CDH23: variants seen among roughly 807,000 people sequenced by gnomAD.
The protein encoded by CDH23 is cadherin-23.
A neutral mutation model predicts 317.1 loss-of-function variants in CDH23; 189 were observed. That is an observed-to-expected ratio of 0.60 (90% CI 0.53 to 0.67). The LOEUF (loss-of-function observed/expected upper bound fraction) is 0.67. Among genes scored for constraint, CDH23 ranks in the 30% least tolerant of loss-of-function variants. The pLI, the probability that CDH23 is intolerant of heterozygous loss-of-function variation, is 0.00. For synonymous variants in CDH23, 1,839 were observed against 1,876.8 expected (o/e 0.98, Z 0.52); for missense variants, 4,401 against 4,592.4 (o/e 0.96, Z 1.20).
rs753717320 is a variant in CDH23 at position 71,687,711 on chromosome 10, T to C, written c.2051T>C (p.Ile684Thr). Reference protein sequence around the residue: ...PAYFVSVVENIMAGATVLFLN... With the variant: ...PAYFVSVVENTMAGATVLFLN... Reference sequence around the variant, plus strand: ...TACTTCGTCTCCGTGGTGGAGAACATCATGGCAGGTACAGGCTCAGGTCGG... The same window carrying C: ...TACTTCGTCTCCGTGGTGGAGAACACCATGGCAGGTACAGGCTCAGGTCGG... The change falls in exon 19 of 70, where the codon ATC becomes ACC. Residue 684 changes from isoleucine (I) to threonine (T), a missense_variant. Ile to Thr is a moderately conservative substitution (Grantham distance 89, BLOSUM62 -1). Around this residue, in one of 3 missense-constraint regions of CDH23, gnomAD observed 3,068 missense variants for 3,203.3 expected, o/e 0.96. Transcript: ENST00000224721. 2 of 1,613,554 alleles carry C rather than the reference T, an allele frequency of 1.2e-6. No homozygotes were observed. The highest frequency in any genetic ancestry group is 1.7e-6 in the Non-Finnish European group (2 of 1,179,726).
At chr10:71,750,617 A>G (rs1839973685) in intron 38 of CDH23, 2 of 152,416 alleles carry the variant, frequency 1.3e-5, no homozygotes, top group Admixed American at 1.3e-4. Flanking sequence ...CGGGACCACC[A>G]AGCTCTGGGG....
chr10:71,720,685 A>G (rs550970984), intron 28 of CDH23, among the ~76,000 whole-genome samples: 1 of 152,328 alleles, frequency 6.6e-6, no homozygotes, highest in Non-Finnish European at 1.5e-5. Context: ...GCCCATAAAA[A>G]GAGGCACTGT....
chr10:71,812,815 A>T lies in CDH23; in HGVS notation c.9558A>T (p.Arg3186=). Residue 3186 remains arginine (R), a synonymous_variant, in exon 68 of 70, where the codon CGA becomes CGT. Coordinates refer to ENST00000224721, the MANE Select transcript of CDH23 (RefSeq NM_022124.6). ...EPAAVKPDDD[R]YLRAAIQEYD... is the part of the protein sequence containing the mutation. ...CAGCTGTCAAGCCTGATGATGACCG[A>T]TACCTGCGGGCTGCCATCCAGGAGT... 6.2e-7 allele frequency: 1 copy of T among 1,613,544 alleles called. No homozygotes were observed. The highest frequency in any genetic ancestry group is 1.1e-5 in the South Asian group (1 of 90,974).
intron 49 of CDH23, among the ~76,000 whole-genome samples, chr10:71,797,893 G>A (rs972803651): frequency 1.3e-5 from 2 of 152,142 alleles, no homozygotes; most frequent in African/African-American, 4.8e-5. Context: ...AGCTGCTATA[G>A]GGGAAGCCAG....
chr10:71,771,358 G>A (rs1840679590), intron 38 of CDH23, among the ~76,000 whole-genome samples: 1 of 152,222 alleles, frequency 6.6e-6, no homozygotes, highest in Non-Finnish European at 1.5e-5. Context: ...CCCAAGAGCT[G>A]GAGAACAGGC....
Position 71,687,748 on chromosome 10 carries a change from C to T in CDH23, c.2059+29C>T, listed in dbSNP as rs1422960424. 2.5e-6 allele frequency: 4 copies of T among 1,604,924 alleles called. No homozygotes were observed. The South Asian group carries it at 3.3e-5, about 13-fold the overall frequency. On this transcript the variant is annotated intron_variant, in intron 19 of 69. Coordinates refer to ENST00000224721, the MANE Select transcript of CDH23 (RefSeq NM_022124.6). ...CAGGCTCAGGTCGGGGGGTGGGGGG[C>T]ACATGGAGGTAGGCAGCCAGCAGTC...
intron 6 of CDH23, among the ~76,000 whole-genome samples, chr10:71,560,560 A>G (rs1178710210): frequency 1.3e-5 from 2 of 152,074 alleles, no homozygotes; most frequent in African/African-American, 4.8e-5. Context: ...TCCACCACTT[A>G]CAATCTGTGC....
intron 38 of CDH23, among the ~76,000 whole-genome samples, chr10:71,763,174 A>T (rs1482837722): frequency 1.3e-5 from 2 of 152,096 alleles, no homozygotes; most frequent in African/African-American, 4.8e-5. Flanking sequence ...TGTTATTTTT[A>T]TTTATTTATT....
chr10:71,734,518 G>A (rs946291887), intron 33 of CDH23, 138 bp from the exon 34 acceptor site: 4 of 1,597,192 alleles, frequency 2.5e-6, no homozygotes, highest in Admixed American at 1.7e-5. Context: ...GTTGGGCTAG[G>A]ATGAGACCTC....
chr10:71,731,598 C>T (rs1402432442), intron 31 of CDH23, among the ~76,000 whole-genome samples: 1 of 152,156 alleles, frequency 6.6e-6, no homozygotes, highest in Non-Finnish European at 1.5e-5. Context: ...CAAACCAAGG[C>T]TTGGCCATCT....
Position 71,741,857 on chromosome 10 carries a change from G to T in CDH23, c.4781G>T (p.Arg1594Leu). 6.2e-7 allele frequency: 1 copy of T among 1,610,922 alleles called. No individual in the cohort carries two copies. Among genetic ancestry groups the T allele is most frequent in the Admixed American group, 1.7e-5 (1 of 59,718 alleles). The change falls in exon 38 of 70, where the codon CGC becomes CTC. Residue 1594 changes from arginine (R) to leucine (L), a missense_variant. Coordinates refer to ENST00000224721, the MANE Select transcript of CDH23 (RefSeq NM_022124.6). ...EIATRPAPPD[R>L]ERQSFYHLVA... Reference sequence around the variant, plus strand: ...GCCACACGGCCTGCCCCGCCTGACCGCGAGCGCCAGAGCTTCTACCACCTG... The same window carrying T: ...GCCACACGGCCTGCCCCGCCTGACCTCGAGCGCCAGAGCTTCTACCACCTG...
chr10:71,792,101 C>G (rs1841266639), intron 47 of CDH23, among the ~76,000 whole-genome samples: 1 of 152,156 alleles, frequency 6.6e-6, no homozygotes, highest in Admixed American at 6.5e-5. Flanking sequence ...GCACAAGACT[C>G]CAGGACAAAG....
intron 1 of CDH23, among the ~76,000 whole-genome samples, chr10:71,417,693 TCCA>T (rs1201872752): frequency 6.6e-6 from 1 of 152,238 alleles, no homozygotes; most frequent in East Asian, 1.9e-4. Context: ...CACTGCTATT[TCCA>T]CCTCCAGGGC....
At chr10:71,803,585 G>A (rs1163996500) in intron 55 of CDH23, among the ~76,000 whole-genome samples, 165 bp downstream of exon 55, 1 of 152,016 alleles carries the variant, frequency 6.6e-6, no homozygotes, top group Admixed American at 6.6e-5. Context: ...GTAAAGGTGG[G>A]AAAACTGAGG....
chr10:71,433,333 G>A (rs1849480571), intron 1 of CDH23, among the ~76,000 whole-genome samples: 1 of 152,174 alleles, frequency 6.6e-6, no homozygotes. Flanking sequence ...TGGTGTCCAC[G>A]TACAGCTATG....
chr10:71,418,854 C>T (rs1478170880), intron 1 of CDH23, among the ~76,000 whole-genome samples: 1 of 152,146 alleles, frequency 6.6e-6, no homozygotes, highest in Non-Finnish European at 1.5e-5. Flanking sequence ...GGTTAATGAC[C>T]TCTTCTCTCT....
intron 3 of CDH23, among the ~76,000 whole-genome samples, chr10:71,505,197 G>A (rs1323922497): frequency 2.0e-5 from 3 of 152,162 alleles, no homozygotes; most frequent in Non-Finnish European, 1.5e-5. Flanking sequence ...ATAAAGATGC[G>A]TTATTGTCAA....
chr10:71,772,385 A>AC (rs1245861299), intron 38 of CDH23, among the ~76,000 whole-genome samples: 1 of 151,790 alleles, frequency 6.6e-6, no homozygotes, highest in African/African-American at 2.4e-5. Context: ...CATGACTCAT[A>AC]CTTTCCCTGG....
Position 71,751,942 on chromosome 10 carries a change from C to A in CDH23, c.4845+10021C>A. On this transcript the variant is annotated intron_variant, in intron 38 of 69. Transcript: ENST00000224721. The surrounding 1 kb of genome is among the most constrained non-coding windows in gnomAD (Gnocchi z 4.9). ...CCTCCCTGCCCCCAGTTTTTCTCTC[C>A]TCCCTTTCTCTCACCTACATCCCCA... is the stretch of plus-strand genomic sequence containing the variant. 1 of 1,363,198 alleles carries A rather than the reference C, an allele frequency of 7.3e-7. No individual in the cohort carries two copies. Among genetic ancestry groups the A allele is most frequent in the Non-Finnish European group, 1.0e-6 (1 of 989,256 alleles). The allele number at this position is 1,363,198 out of a possible 1,614,324, so 84.4% of individuals were successfully genotyped here. A position where few individuals can be genotyped will look rare whatever the true frequency, so the allele number is the denominator to read the frequency against.
Sources: gnomAD v4.1 joint callset for allele counts (sites outside exome capture counted in the v4.1 genomes callset) on GRCh38, gnomAD v4.1.1 for gene constraint, gnomAD v4.1.1 regional missense constraint, Gnocchi (gnomAD v3.1) non-coding constraint, MANE v1.5 for transcripts, NCBI Gene and HGNC (gene_info 2026-07-23, HGNC 2026-07-21) for gene names.